The following LRP1B variants were observed in gnomAD, a reference collection of about 807,000 sequenced individuals.
LRP1B encodes the protein low-density lipoprotein receptor-related protein 1B.
In LRP1B, 217 loss-of-function variants were observed where a neutral mutation model predicts 556.6. That is an observed-to-expected ratio of 0.39 (90% CI 0.35 to 0.44). The LOEUF (loss-of-function observed/expected upper bound fraction) is 0.44, where lower values mean the gene tolerates loss of function less well. LRP1B is among the 20% of genes least tolerant of loss of function. The pLI is 1.00. For missense variants in LRP1B, 5,053 were observed against 5,620.8 expected, an observed-to-expected ratio of 0.90 and a Z score of 3.23; for synonymous variants, 2,047 against 1,865.8, an observed-to-expected ratio of 1.10 and a Z score of -2.50.
Position 140,231,987 on chromosome 2 carries a change from G to A in LRP1B, c.*1199C>T, listed in dbSNP as rs983632467. On this transcript the variant is annotated 3_prime_UTR_variant, in exon 91 of 91. Coordinates refer to ENST00000389484, the MANE Select transcript of LRP1B (RefSeq NM_018557.3). ...AGATAAACAAACCAAACGTGAATGG[G>A]GTCCATGCGTTCTGTAAAACCCAGA... The A allele has an allele frequency of 6.6e-6, 1 of 151,418 alleles. No homozygotes were observed. Among genetic ancestry groups the A allele is most frequent in the Non-Finnish European group, 1.5e-5 (1 of 67,488 alleles). 9.4% of individuals were successfully genotyped at this position (151,418 alleles called of 1,614,324 possible).
At chr2:142,116,192 C>CAAAA (rs70994477) in intron 1 of LRP1B, among the ~76,000 whole-genome samples, 73 of 65,242 alleles carry the variant, frequency 1.1e-3, no homozygotes, top group African/African-American at 1.6e-3. Flanking sequence ...GAGTCTGTCT[C>CAAAA]AAAAAAAAAA....
rs75024933 is a variant in LRP1B, at chr2:141,520,915, T to G, written c.206-40382A>C. On this transcript the variant is annotated intron_variant, in intron 2 of 90. Coordinates refer to ENST00000389484, the MANE Select transcript of LRP1B (RefSeq NM_018557.3). ...TTCCCTCCTCTGTCCCTTCATCTGA[T>G]TCCCTTGGTGATGGTGACTTTTCTC... is the stretch of plus-strand genomic sequence containing the variant. Among the ~76,000 whole-genome samples, 1,506 of 152,136 alleles carry G rather than the reference T, an allele frequency of 9.9e-3. 24 individuals are homozygous for G. The highest frequency in any genetic ancestry group is 0.034 in the African/African-American group (1,429 of 41,512).
intron 7 of LRP1B, among the ~76,000 whole-genome samples, chr2:141,065,037 A>G (rs761981218): frequency 1.3e-5 from 2 of 151,930 alleles, no homozygotes; most frequent in Non-Finnish European, 2.9e-5. Context: ...CAAAGCCCTT[A>G]TCCTTAGTCT....
At chr2:141,610,834 C>G (rs60751262) in intron 2 of LRP1B, among the ~76,000 whole-genome samples, 12 of 152,254 alleles carry the variant, frequency 7.9e-5, no homozygotes, top group African/African-American at 2.9e-4. Flanking sequence ...ATAAGGAACA[C>G]GCTGCCTATT....
chr2:141,839,678 G>T (rs372581911), intron 1 of LRP1B, among the ~76,000 whole-genome samples: 9 of 152,206 alleles, frequency 5.9e-5, no homozygotes, highest in African/African-American at 1.9e-4. Flanking sequence ...CAAGACCTAT[G>T]AAAGTAAAGA....
chr2:141,737,933 A>G (rs1693551748), intron 2 of LRP1B, among the ~76,000 whole-genome samples: 2 of 152,106 alleles, frequency 1.3e-5, no homozygotes, highest in Admixed American at 6.6e-5. Context: ...TTGCTGTCCT[A>G]TCAATATATC....
chr2:140,701,965 G>A, intron 39 of LRP1B, 120 bp from the exon 40 acceptor site: 1 of 1,361,936 alleles, frequency 7.3e-7, no homozygotes, highest in Non-Finnish European at 1.0e-6. Context: ...TTTAGTCTGT[G>A]ACATTGAAAT....
chr2:140,441,564 A>C (rs1034924749), intron 66 of LRP1B, among the ~76,000 whole-genome samples: 1 of 152,200 alleles, frequency 6.6e-6, no homozygotes, highest in Non-Finnish European at 1.5e-5. Context: ...CATGTAGCTC[A>C]TAAGTGTTGT....
At chr2:141,847,095 C>G (rs976529550) in intron 1 of LRP1B, among the ~76,000 whole-genome samples, 5 of 151,498 alleles carry the variant, frequency 3.3e-5, no homozygotes, top group African/African-American at 7.2e-5. Flanking sequence ...CATAGAAAAT[C>G]TAAGGGAACA....
intron 9 of LRP1B, among the ~76,000 whole-genome samples, chr2:141,058,649 T>C (rs1211584148): frequency 2.0e-5 from 3 of 151,868 alleles, no homozygotes; most frequent in Non-Finnish European, 4.4e-5. Context: ...TTCCTGAATC[T>C]AAATCTAGCT....
At chr2:140,417,105 C>T (rs868743491) in intron 66 of LRP1B, among the ~76,000 whole-genome samples, 2 of 151,918 alleles carry the variant, frequency 1.3e-5, no homozygotes, top group African/African-American at 2.4e-5. Context: ...GACAAAGCAC[C>T]GTGCATTAAA....
At chr2:141,117,734 G>A (rs1700942205) in intron 7 of LRP1B, among the ~76,000 whole-genome samples, 1 of 151,960 alleles carries the variant, frequency 6.6e-6, no homozygotes, top group African/African-American at 2.4e-5. Flanking sequence ...AGTAAGCAAT[G>A]GAGTTAGCAG....
chr2:140,323,430 ATGG>A (rs1680268473), intron 81 of LRP1B, among the ~76,000 whole-genome samples: 1 of 151,950 alleles, frequency 6.6e-6, no homozygotes, highest in Admixed American at 6.6e-5. Flanking sequence ...AAGAGTCAAA[ATGG>A]CTAACAATAA....
At chr2:140,320,735 T>C (rs552591523) in intron 82 of LRP1B, among the ~76,000 whole-genome samples, 25 of 152,104 alleles carry the variant, frequency 1.6e-4, no homozygotes, top group Non-Finnish European at 3.2e-4. Context: ...GCAAGAACAC[T>C]GCCTTTGTGT....
Position 141,049,067 on chromosome 2 carries a change from T to C in LRP1B, c.1708A>G (p.Ile570Val). 1.2e-6 allele frequency: 2 copies of C among 1,613,656 alleles called. No homozygotes were observed. The highest frequency in any genetic ancestry group is 1.7e-6 in the Non-Finnish European group (2 of 1,179,706). The change falls in exon 11 of 91, where the codon ATC (isoleucine) becomes GTC (valine). Residue 570 changes from isoleucine (I) to valine (V), a missense_variant. Physicochemically the swap from Ile to Val is conservative, Grantham distance 29. This residue lies in a region of LRP1B where 3,619 missense variants were observed against 3,931.9 expected (regional missense o/e 0.92). Coordinates refer to ENST00000389484, the MANE Select transcript of LRP1B (RefSeq NM_018557.3). ...AAACTGGTGGTGTCAGCAAAGTAGA[T>C]GTAATTGGTTTCTGCGTGAAAGTCT... The part of the protein sequence containing the change: ...ALDFHAETNY[I>V]YFADTTSFLI...
At chr2:141,869,916 T>G (rs1698528600) in intron 1 of LRP1B, among the ~76,000 whole-genome samples, 1 of 152,084 alleles carries the variant, frequency 6.6e-6, no homozygotes, top group South Asian at 2.1e-4. Flanking sequence ...TTAAATAAAT[T>G]TTAATGAAAA....
chr2:140,639,319 C>A (rs1684189720), intron 41 of LRP1B, among the ~76,000 whole-genome samples: 1 of 152,016 alleles, frequency 6.6e-6, no homozygotes, highest in African/African-American at 2.4e-5. Flanking sequence ...ATTTTTTTGA[C>A]CATTGTTGAA....
intron 1 of LRP1B, among the ~76,000 whole-genome samples, chr2:142,110,319 T>C (rs1013412593): frequency 6.6e-5 from 10 of 151,988 alleles, no homozygotes; most frequent in African/African-American, 2.4e-4. Context: ...ATCAGAAAAA[T>C]CTTTATTTTT....
At chr2:140,920,794 AT>A (rs555977552) in intron 21 of LRP1B, among the ~76,000 whole-genome samples, 4 of 151,830 alleles carry the variant, frequency 2.6e-5, no homozygotes, top group East Asian at 1.9e-4. Flanking sequence ...TTTATCACAG[AT>A]TTTTTTTACA....
Sources: gnomAD v4.1 joint callset for allele counts (sites outside exome capture counted in the v4.1 genomes callset) on GRCh38, gnomAD v4.1.1 for gene constraint, gnomAD v4.1.1 regional missense constraint, MANE v1.5 for transcripts, NCBI Gene and HGNC (gene_info 2026-07-23, HGNC 2026-07-21) for gene names.